PPP3CA: variants seen among roughly 807,000 people sequenced by gnomAD.
PPP3CA encodes protein phosphatase 3 catalytic subunit alpha.
PPP3CA carries 14 observed loss-of-function variants against 66.5 expected under a neutral mutation model. That is an observed-to-expected ratio of 0.21 (90% CI 0.14 to 0.33). The LOEUF is 0.33. PPP3CA is among the 10% of genes least tolerant of loss of function. PPP3CA has a pLI of 1.00. For synonymous variants in PPP3CA, 232 were observed against 226.2 expected, an observed-to-expected ratio of 1.03 and a Z score of -0.23; for missense variants, 317 against 639.5, an observed-to-expected ratio of 0.50 and a Z score of 5.44.
chr4:101,101,588 G>C (rs932841596), intron 3 of PPP3CA, among the ~76,000 whole-genome samples: 12 of 151,990 alleles, frequency 7.9e-5, no homozygotes, highest in African/African-American at 2.9e-4. Context: ...TTATATGCTG[G>C]GGGAGAGAAT....
At chr4:101,174,324 C>T (rs573580762) in intron 2 of PPP3CA, among the ~76,000 whole-genome samples, 3 of 152,138 alleles carry the variant, frequency 2.0e-5, no homozygotes, top group Non-Finnish European at 2.9e-5. Context: ...AACAACCACA[C>T]CATTTGTTAA....
At chr4:101,197,542 T>C (rs1003196058) in intron 1 of PPP3CA, among the ~76,000 whole-genome samples, 1 of 152,208 alleles carries the variant, frequency 6.6e-6, no homozygotes, top group Non-Finnish European at 1.5e-5. Flanking sequence ...TAAATAACCT[T>C]CTTCGGCTCC....
At chr4:101,096,037 G>A (rs1730183070) in intron 5 of PPP3CA, among the ~76,000 whole-genome samples, 1 of 152,140 alleles carries the variant, frequency 6.6e-6, no homozygotes, top group Admixed American at 6.5e-5. Flanking sequence ...ATGCTCTATA[G>A]AAGTGTGAAA....
At chr4:101,337,807 A>G (rs948910492) in intron 1 of PPP3CA, among the ~76,000 whole-genome samples, 5 of 152,178 alleles carry the variant, frequency 3.3e-5, no homozygotes. Flanking sequence ...ACTAAGAGCA[A>G]GTGCCTCACT....
At chr4:101,155,571 G>T (rs187999055) in intron 2 of PPP3CA, among the ~76,000 whole-genome samples, 1 of 152,286 alleles carries the variant, frequency 6.6e-6, no homozygotes, top group Non-Finnish European at 1.5e-5. Context: ...GTTAAGCCAG[G>T]AGAGACAGTT....
chr4:101,224,556 G>GC (rs1412770762), intron 1 of PPP3CA, among the ~76,000 whole-genome samples: 16 of 151,778 alleles, frequency 1.1e-4, no homozygotes, highest in Admixed American at 1.1e-3. Flanking sequence ...GAGAAAGACA[G>GC]CAGCAGCAGG....
At chr4:101,286,401 C>A (rs1727849164) in intron 1 of PPP3CA, among the ~76,000 whole-genome samples, 1 of 152,174 alleles carries the variant, frequency 6.6e-6, no homozygotes, top group African/African-American at 2.4e-5. Flanking sequence ...CACCCGACTC[C>A]TTTAAAATAC....
In PPP3CA at chr4:101,151,683, G is replaced by T. The variant is rs1230702751; in HGVS notation, c.260-42605C>A. Among the ~76,000 whole-genome samples the T allele has an allele frequency of 1.9e-5, 2 of 108,090 alleles. 1 individual carries two copies. Among genetic ancestry groups the T allele is most frequent in the Non-Finnish European group, 3.5e-5 (2 of 57,964 alleles). 70.9% of individuals were successfully genotyped at this position (108,090 alleles called of 152,430 possible). On this transcript the variant is annotated intron_variant, in intron 2 of 13. Transcript: ENST00000394854. The stretch of plus-strand genomic sequence containing the variant: ...TTTTTTTTTTTTTTTTTGAGATAGA[G>T]TGTTGCTCTGTTGCCCAGGCTGGAG...
At chr4:101,087,687 A>T (rs770645359) in intron 6 of PPP3CA, among the ~76,000 whole-genome samples, 1 of 152,152 alleles carries the variant, frequency 6.6e-6, no homozygotes, top group African/African-American at 2.4e-5. Context: ...TTGTATAAAT[A>T]TATTAGAATT....
Position 101,139,926 on chromosome 4 carries a change from CT to C in PPP3CA, c.260-30849del, listed in dbSNP as rs972031545. ...TAAATTCACCTGAAGTCTTTAAAAT[CT>C]TTTTTTTTTCCGGGTATTTTTAAGC... is the stretch of plus-strand genomic sequence containing the variant. On this transcript the variant is annotated intron_variant, in intron 2 of 13. Coordinates refer to ENST00000394854, the MANE Select transcript of PPP3CA (RefSeq NM_000944.5). Among the ~76,000 whole-genome samples the C allele has an allele frequency of 1.6e-3, 230 of 148,138 alleles. 1 individual carries two copies. The highest frequency in any genetic ancestry group is 5.3e-3 in the African/African-American group (213 of 40,518).
intron 7 of PPP3CA, among the ~76,000 whole-genome samples, chr4:101,081,846 A>T (rs772528857): frequency 2.0e-5 from 3 of 152,202 alleles, no homozygotes; most frequent in Non-Finnish European, 4.4e-5. Context: ...TCGTTATGGA[A>T]ACAAAATCCA....
intron 2 of PPP3CA, among the ~76,000 whole-genome samples, chr4:101,139,698 T>TG (rs1484858045): frequency 1.7e-5 from 2 of 117,656 alleles, no homozygotes; most frequent in African/African-American, 7.5e-5. Flanking sequence ...TTTTTTGTGT[T>TG]TTTTTTTTTT....
At chr4:101,282,228 T>G (rs28491829) in intron 1 of PPP3CA, among the ~76,000 whole-genome samples, 6,039 of 152,234 alleles carry the variant, frequency 0.04, 387 homozygotes, top group African/African-American at 0.13. Context: ...TGATAACCAC[T>G]TCACACCTAC....
chr4:101,299,911 C>T (rs114939424), intron 1 of PPP3CA, among the ~76,000 whole-genome samples: 2,100 of 152,282 alleles, frequency 0.014, 55 homozygotes, highest in African/African-American at 0.048. Flanking sequence ...ATTCTTTGAA[C>T]ACACTTTTTT....
At chr4:101,170,711 A>G (rs188951715) in intron 2 of PPP3CA, among the ~76,000 whole-genome samples, 2 of 152,304 alleles carry the variant, frequency 1.3e-5, no homozygotes, top group East Asian at 3.9e-4. Flanking sequence ...TAAGAAAAGT[A>G]ACAGAATAAT....
At chr4:101,094,720 A>C (rs907833377) in intron 5 of PPP3CA, among the ~76,000 whole-genome samples, 8 of 152,176 alleles carry the variant, frequency 5.3e-5, no homozygotes, top group African/African-American at 1.9e-4. Context: ...TTCAATTTTA[A>C]AAGGTGCATT....
At chr4:101,194,643 T>C (rs183964977) in intron 2 of PPP3CA, among the ~76,000 whole-genome samples, 114 of 152,224 alleles carry the variant, frequency 7.5e-4, no homozygotes, top group African/African-American at 2.6e-3. Context: ...CTCAGCTCAC[T>C]GCACCCTCTA....
intron 1 of PPP3CA, among the ~76,000 whole-genome samples, chr4:101,344,673 T>G (rs1424891160): frequency 6.6e-6 from 1 of 152,220 alleles, no homozygotes; most frequent in East Asian, 1.9e-4. Context: ...AGCCTTGGAA[T>G]GGTTGAGTGG....
chr4:101,338,785 G>A (rs1729717737), intron 1 of PPP3CA, among the ~76,000 whole-genome samples: 1 of 152,194 alleles, frequency 6.6e-6, no homozygotes, highest in African/African-American at 2.4e-5. Context: ...AGCAGAACAG[G>A]AATGTGTGTA....
Sources: gnomAD v4.1 joint callset for allele counts (sites outside exome capture counted in the v4.1 genomes callset) on GRCh38, gnomAD v4.1.1 for gene constraint, MANE v1.5 for transcripts, NCBI Gene and HGNC (gene_info 2026-07-23, HGNC 2026-07-21) for gene names.